FRMD5: variants seen among roughly 807,000 people sequenced by gnomAD.
FRMD5 encodes FERM domain containing 5, also known as FERM domain-containing protein 5.
A neutral mutation model predicts 69.0 loss-of-function variants in FRMD5; 20 were observed. The ratio of observed to expected loss-of-function variants is 0.29; its 90% CI spans 0.20 to 0.42. The LOEUF (loss-of-function observed/expected upper bound fraction) is 0.42, where lower values mean the gene tolerates loss of function less well. Among genes scored for constraint, FRMD5 ranks in the 10% least tolerant of loss-of-function variants. FRMD5 has a pLI of 1.00. For missense variants in FRMD5, 595 were observed against 708.6 expected, an observed-to-expected ratio of 0.84 and a Z score of 1.82; for synonymous variants, 271 against 260.1, an observed-to-expected ratio of 1.04 and a Z score of -0.40.
intron 1 of FRMD5, among the ~76,000 whole-genome samples, chr15:44,013,480 C>A (rs1345225931): frequency 6.6e-6 from 1 of 152,120 alleles, no homozygotes; most frequent in Non-Finnish European, 1.5e-5. Flanking sequence ...ATTTTTATCC[C>A]TAGAGATTGG....
chr15:44,136,924 G>A (rs568845252), intron 1 of FRMD5, among the ~76,000 whole-genome samples: 2 of 152,106 alleles, frequency 1.3e-5, no homozygotes, highest in African/African-American at 2.4e-5. Flanking sequence ...ACACAACAGC[G>A]ATAGATAAAA....
chr15:44,023,200 T>C (rs775435208), intron 1 of FRMD5, among the ~76,000 whole-genome samples: 17 of 152,142 alleles, frequency 1.1e-4, no homozygotes, highest in Non-Finnish European at 2.2e-4. Flanking sequence ...GAAATGTAGT[T>C]ACCATCTAGA....
In FRMD5 at chr15:43,986,975, T is replaced by C. The variant is rs147789537; in HGVS notation, c.103-62666A>G. ...TATGTTAATCTGTGATCAGTGATCT[T>C]TGATGTTACTATTGCAATTGTTTTG... On this transcript the variant is annotated intron_variant, in intron 1 of 13. Coordinates refer to ENST00000417257, the MANE Select transcript of FRMD5 (RefSeq NM_032892.5). Among the ~76,000 whole-genome samples, 276 of 152,292 alleles carry C rather than the reference T, an allele frequency of 1.8e-3. 1 individual carries two copies. The Middle Eastern group carries it at 0.02, about 11-fold the overall frequency.
At chr15:44,189,176 T>A (rs891701357) in intron 1 of FRMD5, among the ~76,000 whole-genome samples, 3 of 152,230 alleles carry the variant, frequency 2.0e-5, no homozygotes, top group Admixed American at 6.5e-5. Context: ...TACAAGTTCC[T>A]GCCTCCCAAA....
chr15:43,936,132 G>A (rs948522498), intron 1 of FRMD5, among the ~76,000 whole-genome samples: 2 of 152,164 alleles, frequency 1.3e-5, no homozygotes, highest in African/African-American at 4.8e-5. Flanking sequence ...TCCAGTGTTT[G>A]CATTCATGGT....
At chr15:44,101,267 A>G (rs963219717) in intron 1 of FRMD5, among the ~76,000 whole-genome samples, 9 of 152,200 alleles carry the variant, frequency 5.9e-5, no homozygotes, top group African/African-American at 2.2e-4. Context: ...AGCTATTCAC[A>G]TGATTCTGAG....
At chr15:43,923,532 G>A (rs1168756924) in intron 2 of FRMD5, among the ~76,000 whole-genome samples, 2 of 152,192 alleles carry the variant, frequency 1.3e-5, no homozygotes, top group African/African-American at 2.4e-5. Flanking sequence ...AACTCTATAG[G>A]TGAAGGCTCT....
Position 43,945,810 on chromosome 15 carries a change from C to T in FRMD5, c.103-21501G>A, listed in dbSNP as rs186004175. ...GGTGGTGGCTCACCTGTAATCCCAGCACTTTGGGAGGCCAAGGCAGGTGGA... is the reference window on the plus strand; with the variant it reads ...GGTGGTGGCTCACCTGTAATCCCAGTACTTTGGGAGGCCAAGGCAGGTGGA... On this transcript the variant is annotated intron_variant, in intron 1 of 13. Transcript: ENST00000417257. 5.0e-3 allele frequency among the ~76,000 whole-genome samples: 754 copies of T among 152,300 alleles called. 6 individuals carry two copies. The highest frequency in any genetic ancestry group is 6.5e-3 in the Non-Finnish European group (440 of 68,026).
At chr15:44,074,383 AATT>A (rs1274304502) in intron 1 of FRMD5, among the ~76,000 whole-genome samples, 1 of 152,216 alleles carries the variant, frequency 6.6e-6, no homozygotes, top group Non-Finnish European at 1.5e-5. Flanking sequence ...GAAACAAATG[AATT>A]ATTATTTAAT....
chr15:43,997,963 T>C (rs1476145639), intron 1 of FRMD5, among the ~76,000 whole-genome samples: 1 of 152,154 alleles, frequency 6.6e-6, no homozygotes, highest in Non-Finnish European at 1.5e-5. Context: ...AAAGTTATTA[T>C]ATATATTTAA....
intron 1 of FRMD5, among the ~76,000 whole-genome samples, chr15:43,945,840 G>A (rs529114184): frequency 6.6e-6 from 1 of 152,162 alleles, no homozygotes; most frequent in Non-Finnish European, 1.5e-5. Flanking sequence ...GGTGGATCAC[G>A]AGGTCAGGAG....
intron 1 of FRMD5, among the ~76,000 whole-genome samples, chr15:43,990,979 G>A (rs1190324113): frequency 6.6e-6 from 1 of 152,194 alleles, no homozygotes; most frequent in Non-Finnish European, 1.5e-5. Flanking sequence ...AACTTACAGT[G>A]AAAGAGGTAC....
At chr15:44,194,576 GC>G (rs2078251986) in intron 1 of FRMD5, 2 of 325,942 alleles carry the variant, frequency 6.1e-6, no homozygotes, top group Non-Finnish European at 1.1e-5. Context: ...CAAAGCCTGC[GC>G]CCCCGACGGG....
chr15:44,008,694 G>A (rs1890572964), intron 1 of FRMD5, among the ~76,000 whole-genome samples: 1 of 152,078 alleles, frequency 6.6e-6, no homozygotes, highest in African/African-American at 2.4e-5. Flanking sequence ...AATAAGTTAA[G>A]AATCACAGCA....
chr15:43,916,361 A>G (rs1374246265), intron 4 of FRMD5, among the ~76,000 whole-genome samples: 1 of 152,286 alleles, frequency 6.6e-6, no homozygotes, highest in East Asian at 1.9e-4. Flanking sequence ...AGGAGTGGAG[A>G]TTATTAGAAA....
At chr15:43,969,551 G>A (rs946436873) in intron 1 of FRMD5, among the ~76,000 whole-genome samples, 2 of 152,138 alleles carry the variant, frequency 1.3e-5, no homozygotes, top group Non-Finnish European at 2.9e-5. Flanking sequence ...TCCCATGGGT[G>A]GAACTTCTTC....
chr15:44,100,246 G>T (rs2076619267), intron 1 of FRMD5, among the ~76,000 whole-genome samples: 1 of 150,922 alleles, frequency 6.6e-6, no homozygotes, highest in South Asian at 2.1e-4. Flanking sequence ...AAGTAGAGAG[G>T]GGGTTTCACC....
chr15:43,953,423 AG>A lies in FRMD5; in HGVS notation c.103-29115del, dbSNP rs747956131. On this transcript the variant is annotated intron_variant, in intron 1 of 13. Coordinates refer to ENST00000417257, the MANE Select transcript of FRMD5 (RefSeq NM_032892.5). ...GGAGAGGGAGCAGAATTAGGAAGCA[AG>A]CATCACTCCTACTCCACAACCAAAA... is the stretch of plus-strand genomic sequence containing the variant. Among the ~76,000 whole-genome samples the A allele has an allele frequency of 6.4e-4, 98 of 152,322 alleles. 1 individual carries two copies. The highest frequency in any genetic ancestry group is 1.1e-3 in the Non-Finnish European group (77 of 68,026).
At chr15:43,888,335 C>A in intron 9 of FRMD5, 69 bp from the exon 10 acceptor site, 4 of 1,113,060 alleles carry the variant, frequency 3.6e-6, no homozygotes, top group Non-Finnish European at 5.4e-6. Context: ...AGGCGAGGAC[C>A]CTGACCCCAG....
Sources: gnomAD v4.1 joint callset for allele counts (sites outside exome capture counted in the v4.1 genomes callset) on GRCh38, gnomAD v4.1.1 for gene constraint, MANE v1.5 for transcripts, NCBI Gene and HGNC (gene_info 2026-07-23, HGNC 2026-07-21) for gene names.